The following USP44 variants were observed in gnomAD, a reference collection of about 807,000 sequenced individuals.
USP44 encodes the protein ubiquitin carboxyl-terminal hydrolase 44.
In USP44, 61 loss-of-function variants were observed where a neutral mutation model predicts 69.0. The observed-to-expected ratio is 0.88, with a 90% CI of 0.72 to 1.09. The LOEUF (loss-of-function observed/expected upper bound fraction) is 1.09. Among genes scored for constraint, USP44 ranks in the 50% least tolerant of loss-of-function variants. The pLI, the probability that USP44 is intolerant of heterozygous loss-of-function variation, is 0.00. For synonymous variants in USP44, 297 were observed against 295.4 expected (o/e 1.01, Z -0.06); for missense variants, 753 against 849.9 (o/e 0.89, Z 1.42).
At chr12:95,538,152 G>A (rs778248536) in intron 1 of USP44, among the ~76,000 whole-genome samples, 1 of 150,312 alleles carries the variant, frequency 6.7e-6, no homozygotes, top group Non-Finnish European at 1.5e-5. Context: ...ACAGTAAAAC[G>A]GTGAGCGAGC....
chr12:95,542,456 A>G (rs899095028), intron 1 of USP44, among the ~76,000 whole-genome samples: 2 of 152,172 alleles, frequency 1.3e-5, no homozygotes, highest in Non-Finnish European at 2.9e-5. Context: ...CATCCTCTTT[A>G]TGATATTTGA....
intron 1 of USP44, among the ~76,000 whole-genome samples, chr12:95,536,039 C>CTTTTTTTTTT (rs397821709): frequency 1.5e-4 from 15 of 97,522 alleles, no homozygotes; most frequent in South Asian, 3.2e-4. Flanking sequence ...CTTTTTTTTC[C>CTTTTTTTTTT]TTTTTTTTTT....
Position 95,517,076 on chromosome 12 carries a change from G to A in USP44, c.*1078C>T, listed in dbSNP as rs1467446965. 6.8e-6 allele frequency: 1 copy of A among 146,060 alleles called. No homozygotes were observed. Among genetic ancestry groups the A allele is most frequent in the African/African-American group, 2.7e-5 (1 of 37,572 alleles). 9.0% of individuals were successfully genotyped at this position (146,060 alleles called of 1,614,324 possible). On this transcript the variant is annotated 3_prime_UTR_variant, in exon 6 of 6. Transcript: ENST00000258499. ...TCACACTGTATTTTTTTTTGTGCAA[G>A]TTTAGATAGATAGCTTTTAGTTTTT...
Position 95,523,699 on chromosome 12 carries a change from A to C in USP44, c.1733+981T>G, listed in dbSNP as rs937690569. Among the ~76,000 whole-genome samples, 7 of 151,810 alleles carry C rather than the reference A, an allele frequency of 4.6e-5. No individual in the cohort carries two copies. In the South Asian group the frequency reaches 1.2e-3, roughly 27 times the overall value. On this transcript the variant is annotated intron_variant, in intron 4 of 5. Coordinates refer to ENST00000258499, the MANE Select transcript of USP44 (RefSeq NM_032147.5). ...AAACCCTGTCTCTACCAAAAAAAAA[A>C]AAAAAAAGAGATACAATAAACTGAT...
chr12:95,529,841 C>A (rs184338830), intron 2 of USP44, among the ~76,000 whole-genome samples: 13 of 151,502 alleles, frequency 8.6e-5, no homozygotes, highest in African/African-American at 2.4e-4. Flanking sequence ...ATTTTAAGGC[C>A]CTGACAACTG....
At chr12:95,521,951 G>A (rs1011410198) in intron 4 of USP44, 4 of 755,706 alleles carry the variant, frequency 5.3e-6, no homozygotes, top group African/African-American at 1.9e-5. Flanking sequence ...TAAAACAACA[G>A]GAACTGTGTC....
In USP44 at chr12:95,517,451, T is replaced by A. The variant is rs2076509050; in HGVS notation, c.*703A>T. ...TAATTATTAGACTTCTGGACAAACCTGTTTGCTGCCAGACAAAAATCATAA... is the reference window on the plus strand; with the variant it reads ...TAATTATTAGACTTCTGGACAAACCAGTTTGCTGCCAGACAAAAATCATAA... On this transcript the variant is annotated 3_prime_UTR_variant, in exon 6 of 6. Transcript: ENST00000258499. 1 of 151,910 alleles carries A rather than the reference T, an allele frequency of 6.6e-6. No homozygotes were observed. 9.4% of individuals were successfully genotyped at this position (151,910 alleles called of 1,614,324 possible). A position where few individuals can be genotyped will look rare whatever the true frequency, so the allele number is the denominator to read the frequency against.
At chr12:95,531,909 T>G (rs1209594914) in intron 2 of USP44, among the ~76,000 whole-genome samples, 1 of 152,216 alleles carries the variant, frequency 6.6e-6, no homozygotes. Context: ...CCACTCAGTA[T>G]AGAGAACCTT....
chr12:95,519,620 A>AT (rs2076589156), intron 5 of USP44, among the ~76,000 whole-genome samples: 2 of 146,620 alleles, frequency 1.4e-5, no homozygotes, highest in Non-Finnish European at 1.5e-5. Context: ...TTTTTTTTTT[A>AT]TTTTTAGTAG....
At position 95,537,005 on chromosome 12, in the gene USP44, G is replaced by A. The variant is rs150604865; in HGVS notation, c.-70-2679C>T. ...AGAGCCACTGAAGAAATCTGTAGAG[G>A]AGAATGATATGATCAGATCTGTGGG... is the stretch of plus-strand genomic sequence containing the variant. On this transcript the variant is annotated intron_variant, in intron 1 of 5. Coordinates refer to ENST00000258499, the MANE Select transcript of USP44 (RefSeq NM_032147.5). 2.0e-4 allele frequency among the ~76,000 whole-genome samples: 30 copies of A among 152,318 alleles called. No homozygotes were observed. In the East Asian group the frequency reaches 4.8e-3, roughly 24 times the overall value.
intron 1 of USP44, among the ~76,000 whole-genome samples, chr12:95,537,663 T>C (rs1844451202): frequency 6.6e-6 from 1 of 152,040 alleles, no homozygotes; most frequent in African/African-American, 2.4e-5. Flanking sequence ...AAGAAGGAAA[T>C]GCCAGCAAAA....
intron 1 of USP44, among the ~76,000 whole-genome samples, chr12:95,550,183 G>GAAAAAAAAAAAAAAAAAAAAAAAAAA (rs570350053): frequency 2.1e-5 from 2 of 93,354 alleles, no homozygotes; most frequent in Non-Finnish European, 2.2e-5. Flanking sequence ...CTCCGTCTCA[G>GAAAAAAAAAAAAAAAAAAAAAAAAAA]AAAAAAAAAA....
In USP44 at chr12:95,517,860, G is replaced by T. The variant is rs901241855; in HGVS notation, c.*294C>A. On this transcript the variant is annotated 3_prime_UTR_variant, in exon 6 of 6. Coordinates refer to ENST00000258499, the MANE Select transcript of USP44 (RefSeq NM_032147.5). ...TATAAAATGATGCCACTTGAACTTT[G>T]TTGGTAGAAGATTGCACAAGTTCAT... is the stretch of plus-strand genomic sequence containing the variant. The T allele has an allele frequency of 3.3e-5, 8 of 243,310 alleles. No individual in the cohort carries two copies. The highest frequency in any genetic ancestry group is 5.6e-5 in the Non-Finnish European group (7 of 125,970). 15.1% of individuals were successfully genotyped at this position (243,310 alleles called of 1,614,324 possible).
intron 1 of USP44, among the ~76,000 whole-genome samples, chr12:95,538,349 T>C (rs1334850479): frequency 6.6e-6 from 1 of 152,132 alleles, no homozygotes; most frequent in Non-Finnish European, 1.5e-5. Context: ...GAGTACATCT[T>C]AGCTGCCAAT....
At chr12:95,545,966 G>GCCTT (rs1295050638) in intron 1 of USP44, among the ~76,000 whole-genome samples, 1 of 152,038 alleles carries the variant, frequency 6.6e-6, no homozygotes, top group Non-Finnish European at 1.5e-5. Flanking sequence ...TTTCCCTTGG[G>GCCTT]CCTTCCTCAT....
rs1207891622 is a variant in USP44, at chr12:95,534,204, T to A, written c.53A>T (p.Asp18Val). ...TTTCTGAGGGTTGAGGCTGGAATGGTCTTGAGCAAGCTGCAGCTGCCCAAC... is the reference window on the plus strand; with the variant it reads ...TTTCTGAGGGTTGAGGCTGGAATGGACTTGAGCAAGCTGCAGCTGCCCAAC... ...KHVGQLQLAQ[D>V]HSSLNPQKWH... Residue 18 changes from aspartate to valine, a missense_variant, in exon 2 of 6, where the codon GAC becomes GTC. Asp to Val is a radical substitution (Grantham distance 152). Transcript: ENST00000258499. 1.2e-6 allele frequency: 2 copies of A among 1,613,938 alleles called. No homozygotes were observed. The highest frequency in any genetic ancestry group is 1.7e-6 in the Non-Finnish European group (2 of 1,179,970).
chr12:95,533,709 T>TTTTCCTGAAATGGAAAAAATTTTCCA lies in USP44; in HGVS notation c.547_548insTGGAAAATTTTTTCCATTTCAGGAAA (p.Lys183MetfsTer11). On this transcript the variant is annotated frameshift_variant, in exon 2 of 6. Coordinates refer to ENST00000258499, the MANE Select transcript of USP44 (RefSeq NM_032147.5). LOFTEE classifies it high-confidence loss of function. ...CTTTACTTCTCTTTTTACTACTATT[T>TTTTCCTGAAATGGAAAAAATTTTCCA]TTTCCTGAAATGGTTCTTCTTGCTT... is the stretch of plus-strand genomic sequence containing the variant. 2 of 1,614,024 alleles carry TTTTCCTGAAATGGAAAAAATTTTCCA rather than the reference T, an allele frequency of 1.2e-6. No individual in the cohort carries two copies. Among genetic ancestry groups the TTTTCCTGAAATGGAAAAAATTTTCCA allele is most frequent in the Non-Finnish European group, 1.7e-6 (2 of 1,180,018 alleles).
chr12:95,534,512 CACAG>C (rs1296295598), intron 1 of USP44, among the ~76,000 whole-genome samples, 186 bp from the exon 2 acceptor site: 1 of 152,140 alleles, frequency 6.6e-6, no homozygotes, highest in African/African-American at 2.4e-5. Flanking sequence ...GCTCTGAAAG[CACAG>C]ACACTTCACT....
Position 95,528,816 on chromosome 12 carries a change from G to A in USP44, c.1615C>T (p.Gln539Ter), listed in dbSNP as rs2076931650. Residue 539 changes from glutamine (Q) to a stop codon, truncating the protein, a stop_gained, in exon 3 of 6, where the codon CAG (glutamine) becomes TAG (stop). Transcript: ENST00000258499. LOFTEE classifies it high-confidence loss of function. ...ALEGKIYVCD[Q>*]CNSKRRRFSS... is the part of the protein sequence containing the mutation. ...CAACGTCTTTACTCACAGTTACACTGGTCACATACGTAGATTTTTCCTTCT... is the reference window on the plus strand; with the variant it reads ...CAACGTCTTTACTCACAGTTACACTAGTCACATACGTAGATTTTTCCTTCT... The A allele has an allele frequency of 6.2e-7, 1 of 1,613,714 alleles. No homozygotes were observed. The highest frequency in any genetic ancestry group is 1.1e-5 in the South Asian group (1 of 91,048).
Sources: gnomAD v4.1 joint callset for allele counts (sites outside exome capture counted in the v4.1 genomes callset) on GRCh38, gnomAD v4.1.1 for gene constraint, MANE v1.5 for transcripts, NCBI Gene and HGNC (gene_info 2026-07-23, HGNC 2026-07-21) for gene names.